The following ADAMTSL1 variants were observed in gnomAD, a reference collection of about 807,000 sequenced individuals.
ADAMTSL1 encodes ADAMTS like 1, also known as ADAMTS-like protein 1.
ADAMTSL1 carries 126 observed loss-of-function variants against 201.8 expected under a neutral mutation model. The observed-to-expected ratio is 0.62, with a 90% CI of 0.54 to 0.72. ADAMTSL1 has a LOEUF of 0.72. Ranked by LOEUF, ADAMTSL1 falls within the 30% of genes least tolerant of loss-of-function variation. The pLI, the probability that ADAMTSL1 is intolerant of heterozygous loss-of-function variation, is 0.00. For synonymous variants in ADAMTSL1, 1,121 were observed against 903.4 expected (o/e 1.24, Z -4.32); for missense variants, 2,679 against 2,277.8 (o/e 1.18, Z -3.59).
At chr9:18,134,326 A>G (rs1826069818) in intron 1 of ADAMTSL1, among the ~76,000 whole-genome samples, 1 of 152,140 alleles carries the variant, frequency 6.6e-6, no homozygotes, top group African/African-American at 2.4e-5. Flanking sequence ...GGTGCATGCC[A>G]TTGGTACCAC....
At chr9:18,242,018 A>C (rs933457931) in intron 2 of ADAMTSL1, among the ~76,000 whole-genome samples, 4 of 152,118 alleles carry the variant, frequency 2.6e-5, no homozygotes, top group African/African-American at 9.7e-5. Flanking sequence ...TTATAAGGCC[A>C]CCATCACCTT....
chr9:18,428,770 C>G (rs1464560139), intron 2 of ADAMTSL1, among the ~76,000 whole-genome samples: 1 of 152,158 alleles, frequency 6.6e-6, no homozygotes, highest in African/African-American at 2.4e-5. Context: ...AATAAAAAGC[C>G]TCAGTTCTTT....
chr9:18,520,822 A>C (rs892403966), intron 2 of ADAMTSL1, among the ~76,000 whole-genome samples: 11 of 152,258 alleles, frequency 7.2e-5, no homozygotes, highest in African/African-American at 2.7e-4. Context: ...ATTCAAAAAA[A>C]AAATTAATCT....
At chr9:18,614,255 T>G (rs893420357) in intron 4 of ADAMTSL1, among the ~76,000 whole-genome samples, 1 of 152,136 alleles carries the variant, frequency 6.6e-6, no homozygotes, top group African/African-American at 2.4e-5. Flanking sequence ...ACGCCAGGTG[T>G]GGGGAGGATG....
intron 1 of ADAMTSL1, among the ~76,000 whole-genome samples, chr9:17,960,592 G>A (rs184663637): frequency 4.1e-4 from 63 of 152,192 alleles, no homozygotes; most frequent in Non-Finnish European, 6.3e-4. Context: ...TCTCTTCTTT[G>A]TGCACACCAC....
intron 23 of ADAMTSL1, among the ~76,000 whole-genome samples, chr9:18,836,451 AT>A (rs1194049916): frequency 6.6e-6 from 1 of 151,890 alleles, no homozygotes; most frequent in Non-Finnish European, 1.5e-5. Context: ...CAACTTGTCA[AT>A]TTTTTGCTTT....
intron 2 of ADAMTSL1, among the ~76,000 whole-genome samples, chr9:18,167,566 A>G (rs536411318): frequency 6.6e-6 from 1 of 152,126 alleles, no homozygotes; most frequent in Admixed American, 6.6e-5. Context: ...ATTCTGCTTT[A>G]AAGTAAATTA....
intron 2 of ADAMTSL1, among the ~76,000 whole-genome samples, chr9:18,253,713 T>G (rs1001357951): frequency 2.0e-5 from 3 of 152,180 alleles, no homozygotes; most frequent in Non-Finnish European, 4.4e-5. Context: ...GCTTTTCAGG[T>G]CTTTCATTTT....
rs377090991 is a variant in ADAMTSL1 at position 18,889,706 on chromosome 9, C to A, written c.4601C>A (p.Ala1534Glu). Reference sequence around the variant, plus strand: ...CACTGCGCAGGGAAGGTTCGCCCTGCGGTGCAGCCCATCGCGTGCAACCGG... The same window carrying A: ...CACTGCGCAGGGAAGGTTCGCCCTGAGGTGCAGCCCATCGCGTGCAACCGG... ...PAHCAGKVRPAVQPIACNRRD... is the reference protein window; with the variant it reads ...PAHCAGKVRPEVQPIACNRRD... The change falls in exon 25 of 29, where the codon GCG (alanine) becomes GAG (glutamate). Residue 1534 changes from alanine to glutamate, a missense_variant. By Grantham distance (107) the Ala-to-Glu change is moderately radical. Transcript: ENST00000380548. The A allele has an allele frequency of 1.3e-6, 2 of 1,565,844 alleles. No individual in the cohort carries two copies. Among genetic ancestry groups the A allele is most frequent in the Non-Finnish European group, 1.7e-6 (2 of 1,155,264 alleles).
chr9:18,530,969 G>C (rs1435304118), intron 2 of ADAMTSL1, among the ~76,000 whole-genome samples: 1 of 152,144 alleles, frequency 6.6e-6, no homozygotes, highest in Non-Finnish European at 1.5e-5. Flanking sequence ...TGCTACCAAA[G>C]ACCTTCCAGT....
intron 4 of ADAMTSL1, among the ~76,000 whole-genome samples, chr9:18,589,427 A>G (rs1823765489): frequency 6.6e-6 from 1 of 152,128 alleles, no homozygotes; most frequent in Admixed American, 6.5e-5. Context: ...TTGATTTTGC[A>G]TCCTGTGATT....
At chr9:18,677,232 CTA>C (rs1830179545) in intron 10 of ADAMTSL1, among the ~76,000 whole-genome samples, 1 of 151,674 alleles carries the variant, frequency 6.6e-6, no homozygotes. Context: ...CACTACGTGG[CTA>C]TGTCATTAGT....
In ADAMTSL1 at chr9:18,838,402, C is replaced by CACACACACACACACACACAA. The variant is rs754001590; in HGVS notation, c.4249+8425_4249+8426insACACACACACACACACACAA. The stretch of plus-strand genomic sequence containing the variant: ...ACACACACACACACACACACACACA[C>CACACACACACACACACACAA]GCAAAAACCTAGAGGAGTAGAAATT... On this transcript the variant is annotated intron_variant, in intron 23 of 28. Transcript: ENST00000380548. Among the ~76,000 whole-genome samples, 16 of 125,496 alleles carry CACACACACACACACACACAA rather than the reference C, an allele frequency of 1.3e-4. No homozygotes were observed. The East Asian group carries it at 1.3e-3, about 10-fold the overall frequency. 82.3% of individuals were successfully genotyped at this position (125,496 alleles called of 152,430 possible).
intron 1 of ADAMTSL1, among the ~76,000 whole-genome samples, chr9:18,485,499 C>T (rs985024226): frequency 2.0e-5 from 3 of 152,070 alleles, no homozygotes; most frequent in Admixed American, 6.6e-5. Context: ...AATAATAGAC[C>T]GAGGCAGAGC....
chr9:18,460,568 G>A (rs968654338), intron 2 of ADAMTSL1, among the ~76,000 whole-genome samples: 1 of 152,068 alleles, frequency 6.6e-6, no homozygotes, highest in African/African-American at 2.4e-5. Flanking sequence ...TTTAATAGGG[G>A]GGAAATGAAA....
At chr9:18,794,350 A>G (rs1220743199) in intron 19 of ADAMTSL1, among the ~76,000 whole-genome samples, 1 of 151,474 alleles carries the variant, frequency 6.6e-6, no homozygotes, top group African/African-American at 2.4e-5. Context: ...TCAAGACTGC[A>G]GTGAGCTGTG....
At chr9:18,358,951 CAG>C (rs1343407969) in intron 2 of ADAMTSL1, among the ~76,000 whole-genome samples, 1 of 152,092 alleles carries the variant, frequency 6.6e-6, no homozygotes, top group African/African-American at 2.4e-5. Context: ...AGCAGACATT[CAG>C]AGTCATGGAG....
intron 3 of ADAMTSL1, among the ~76,000 whole-genome samples, chr9:18,560,160 CTT>C (rs775480525): frequency 1.3e-5 from 2 of 152,010 alleles, no homozygotes; most frequent in East Asian, 1.9e-4. Flanking sequence ...ATAAATAACT[CTT>C]ATTATTTTGA....
chr9:18,827,426 C>T (rs1272308618), intron 22 of ADAMTSL1, among the ~76,000 whole-genome samples: 1 of 152,034 alleles, frequency 6.6e-6, no homozygotes, highest in African/African-American at 2.4e-5. Flanking sequence ...CTTCTAGACC[C>T]TGCCCACTCA....
Sources: allele counts gnomAD v4.1 joint callset (sites outside exome capture counted in the v4.1 genomes callset), GRCh38; gene constraint gnomAD v4.1.1; transcripts MANE v1.5; gene names NCBI Gene and HGNC (gene_info 2026-07-23, HGNC 2026-07-21).